ONECUT2: variants seen among roughly 807,000 people sequenced by gnomAD.
ONECUT2 encodes the protein one cut homeobox 2, also known as one cut domain family member 2.
A neutral mutation model predicts 27.9 loss-of-function variants in ONECUT2; 10 were observed. That is an observed-to-expected ratio of 0.36 (90% confidence interval 0.22 to 0.61). The LOEUF is 0.61. Ranked by LOEUF, ONECUT2 falls within the 20% of genes least tolerant of loss-of-function variation. ONECUT2 has a pLI of 0.73. For synonymous variants in ONECUT2, 334 were observed against 315.1 expected, an observed-to-expected ratio of 1.06 and a Z score of -0.64; for missense variants, 686 against 721.0, an observed-to-expected ratio of 0.95 and a Z score of 0.56.
intron 1 of ONECUT2, among the ~76,000 whole-genome samples, chr18:57,464,297 T>C (rs543363596): frequency 6.6e-6 from 1 of 152,286 alleles, no homozygotes; most frequent in South Asian, 2.1e-4. Context: ...AATTCCTTTA[T>C]AAATTTTCTT....
At chr18:57,470,505 T>C (rs2050347175) in intron 1 of ONECUT2, among the ~76,000 whole-genome samples, 1 of 152,182 alleles carries the variant, frequency 6.6e-6, no homozygotes, top group African/African-American at 2.4e-5. Flanking sequence ...ATCCAGACTT[T>C]GGCTTCCACT....
At chr18:57,437,151 T>A (rs1210842330) in intron 1 of ONECUT2, among the ~76,000 whole-genome samples, 1 of 152,256 alleles carries the variant, frequency 6.6e-6, no homozygotes, top group East Asian at 1.9e-4. Flanking sequence ...CCTTTTCTTT[T>A]TCTTTCTTAC....
chr18:57,457,734 A>G (rs2050267639), intron 1 of ONECUT2, among the ~76,000 whole-genome samples: 2 of 152,296 alleles, frequency 1.3e-5, no homozygotes, highest in South Asian at 4.1e-4. Context: ...AATGTCCATC[A>G]GTGATAGACT....
In ONECUT2 at chr18:57,435,466, G is replaced by T. The variant is rs1226266298; in HGVS notation, c.-251G>T. 3.3e-5 allele frequency among the ~76,000 whole-genome samples: 5 copies of T among 150,736 alleles called. No homozygotes were observed. Among genetic ancestry groups the T allele is most frequent in the Non-Finnish European group, 7.4e-5 (5 of 67,452 alleles). ...GGCGAGGCTGCGAGCCGGCCCGAGCGGCGGGGCCCGGTGATCCCTCCCTCC... is the reference window on the plus strand; with the variant it reads ...GGCGAGGCTGCGAGCCGGCCCGAGCTGCGGGGCCCGGTGATCCCTCCCTCC... On this transcript the variant is annotated 5_prime_UTR_variant, in exon 1 of 2. Transcript: ENST00000491143.
At chr18:57,450,354 A>C (rs1164414959) in intron 1 of ONECUT2, among the ~76,000 whole-genome samples, 1 of 152,040 alleles carries the variant, frequency 6.6e-6, no homozygotes, top group South Asian at 2.1e-4. Context: ...GTGTATTTTT[A>C]GTAGAGATGG....
chr18:57,457,846 A>G (rs2050268520), intron 1 of ONECUT2, among the ~76,000 whole-genome samples: 1 of 152,202 alleles, frequency 6.6e-6, no homozygotes, highest in Non-Finnish European at 1.5e-5. Flanking sequence ...GCTGAAAACC[A>G]TCATTCTCAG....
intron 1 of ONECUT2, among the ~76,000 whole-genome samples, chr18:57,441,633 C>A (rs2050174629): frequency 6.6e-6 from 1 of 152,280 alleles, no homozygotes; most frequent in Admixed American, 6.5e-5. Context: ...GTCTTCCTAA[C>A]TATCCTGTGC....
Position 57,436,798 on chromosome 18 carries a change from T to A in ONECUT2, c.1082T>A (p.Leu361Gln). 1 of 1,614,040 alleles carries A rather than the reference T, an allele frequency of 6.2e-7. No individual in the cohort carries two copies. Among genetic ancestry groups the A allele is most frequent in the Non-Finnish European group, 8.5e-7 (1 of 1,180,042 alleles). The change falls in exon 1 of 2, where the codon CTG (leucine) becomes CAG (glutamine). Residue 361 changes from leucine (L) to glutamine (Q), a missense_variant. Leu to Gln is a moderately radical substitution (Grantham distance 113). Coordinates refer to ENST00000491143, the MANE Select transcript of ONECUT2 (RefSeq NM_004852.3). This position sits in a 1 kb window ranked among gnomAD's most constrained non-coding sequence, Gnocchi z 5.9. The part of the protein sequence containing the change: ...IPQAIFAQRV[L>Q]CRSQGTLSDL... ...CAGGCGATCTTTGCGCAGAGGGTGC[T>A]GTGCCGGTCTCAGGGGACTCTCTCC...
chr18:57,481,767 G>A lies in ONECUT2; in HGVS notation c.*5044G>A, dbSNP rs2050416915. Reference sequence around the variant, plus strand: ...GAAAAGGCCTGTTTCCAATGTTGTTGAAGAATAATGAACTCTATTAAAAAG... The same window carrying A: ...GAAAAGGCCTGTTTCCAATGTTGTTAAAGAATAATGAACTCTATTAAAAAG... On this transcript the variant is annotated 3_prime_UTR_variant, in exon 2 of 2. Transcript: ENST00000491143. The A allele has an allele frequency of 6.6e-6, 1 of 152,196 alleles. No individual in the cohort carries two copies. Among genetic ancestry groups the A allele is most frequent in the African/African-American group, 2.4e-5 (1 of 41,440 alleles). 9.4% of individuals were successfully genotyped at this position (152,196 alleles called of 1,614,324 possible). A position where few individuals can be genotyped will look rare whatever the true frequency, so the allele number is the denominator to read the frequency against.
rs1201003901 is a variant in ONECUT2 at position 57,490,066 on chromosome 18, C to T, written c.*13343C>T. On this transcript the variant is annotated 3_prime_UTR_variant, in exon 2 of 2. Coordinates refer to ENST00000491143, the MANE Select transcript of ONECUT2 (RefSeq NM_004852.3). ...GGATTGACCAGCATTTCAATTAGTT[C>T]TCTTCTTCATCTTTGCATTTCTCAA... 1 of 152,142 alleles carries T rather than the reference C, an allele frequency of 6.6e-6. No homozygotes were observed. Among genetic ancestry groups the T allele is most frequent in the East Asian group, 1.9e-4 (1 of 5,186 alleles). The allele number at this position is 152,142 out of a possible 1,614,324, so 9.4% of individuals were successfully genotyped here.
intron 1 of ONECUT2, among the ~76,000 whole-genome samples, chr18:57,471,262 G>T (rs1047492927): frequency 2.0e-5 from 3 of 152,186 alleles, no homozygotes; most frequent in Non-Finnish European, 2.9e-5. Context: ...GTTAGTCTGG[G>T]TGTCAGAGGG....
intron 1 of ONECUT2, among the ~76,000 whole-genome samples, chr18:57,442,576 A>G (rs992639489): frequency 2.0e-5 from 3 of 152,176 alleles, no homozygotes; most frequent in Non-Finnish European, 4.4e-5. Context: ...GTAATCAGAT[A>G]TGTAACTAAG....
chr18:57,437,595 A>T (rs1171671833), intron 1 of ONECUT2, among the ~76,000 whole-genome samples: 1 of 152,184 alleles, frequency 6.6e-6, no homozygotes, highest in African/African-American at 2.4e-5. Flanking sequence ...GCGTTGGCGC[A>T]GGGACTTTCT....
intron 1 of ONECUT2, among the ~76,000 whole-genome samples, chr18:57,454,188 C>T (rs769995320): frequency 5.9e-5 from 9 of 152,100 alleles, no homozygotes; most frequent in Non-Finnish European, 1.2e-4. Context: ...ACAATAGGTA[C>T]ATTGTAAGGT....
At chr18:57,458,637 T>G (rs1157325821) in intron 1 of ONECUT2, among the ~76,000 whole-genome samples, 1 of 152,178 alleles carries the variant, frequency 6.6e-6, no homozygotes, top group African/African-American at 2.4e-5. Flanking sequence ...GCAATTAGGC[T>G]GTTTACCATT....
At chr18:57,461,717 T>A (rs143426420) in intron 1 of ONECUT2, among the ~76,000 whole-genome samples, 4 of 152,352 alleles carry the variant, frequency 2.6e-5, no homozygotes, top group African/African-American at 9.6e-5. Flanking sequence ...GGGGTATTTA[T>A]CTGGCAGCTC....
intron 1 of ONECUT2, among the ~76,000 whole-genome samples, chr18:57,440,621 G>A (rs978228086): frequency 3.9e-5 from 6 of 152,234 alleles, no homozygotes; most frequent in African/African-American, 1.4e-4. Context: ...TGTCGCCTGG[G>A]CCACCTGATG....
Position 57,440,617 on chromosome 18 carries a change from C to T in ONECUT2, c.1228+3673C>T, listed in dbSNP as rs945445890. 2.9e-4 allele frequency among the ~76,000 whole-genome samples: 44 copies of T among 152,250 alleles called. 1 individual carries two copies. Among genetic ancestry groups the T allele is most frequent in the African/African-American group, 9.6e-4 (40 of 41,472 alleles). On this transcript the variant is annotated intron_variant, in intron 1 of 1. Coordinates refer to ENST00000491143, the MANE Select transcript of ONECUT2 (RefSeq NM_004852.3). ...CTTAGCCAACCCACCATGATGTCGCCTGGGCCACCTGATGCCCGCAGCGGC... is the reference window on the plus strand; with the variant it reads ...CTTAGCCAACCCACCATGATGTCGCTTGGGCCACCTGATGCCCGCAGCGGC...
chr18:57,470,747 C>G (rs898956729), intron 1 of ONECUT2, among the ~76,000 whole-genome samples: 6 of 150,756 alleles, frequency 4.0e-5, no homozygotes, highest in African/African-American at 1.4e-4. Context: ...CAACCAGATA[C>G]TGTCCCCCTT....
Sources: gnomAD v4.1 joint callset for allele counts (sites outside exome capture counted in the v4.1 genomes callset) on GRCh38, gnomAD v4.1.1 for gene constraint, Gnocchi (gnomAD v3.1) non-coding constraint, MANE v1.5 for transcripts, NCBI Gene and HGNC (gene_info 2026-07-23, HGNC 2026-07-21) for gene names.